Variants in TRIM66 observed in about 807,000 individuals in gnomAD.
TRIM66 encodes tripartite motif-containing protein 66.
In TRIM66, 99 loss-of-function variants were observed where a neutral mutation model predicts 148.2. The ratio of observed to expected loss-of-function variants is 0.67; its 90% CI spans 0.57 to 0.79. TRIM66 has a LOEUF of 0.79. Ranked by LOEUF, TRIM66 falls within the 30% of genes least tolerant of loss-of-function variation. The pLI is 0.00. For synonymous variants in TRIM66, 616 were observed against 635.9 expected (o/e 0.97, Z 0.47); for missense variants, 1,666 against 1,697.9 (o/e 0.98, Z 0.33).
chr11:8,622,917 T>C, intron 17 of TRIM66, 41 bp from the exon 18 acceptor site: 2 of 1,531,006 alleles, frequency 1.3e-6, no homozygotes, highest in Non-Finnish European at 1.8e-6. Flanking sequence ...CACACATTTG[T>C]GGCAACAAAC....
In TRIM66 at chr11:8,617,090, C is replaced by CT. The variant is rs2033769285; in HGVS notation, c.*853_*854insA. The CT allele has an allele frequency of 6.6e-6, 1 of 152,248 alleles. No homozygotes were observed. The highest frequency in any genetic ancestry group is 2.4e-5 in the African/African-American group (1 of 41,432). The allele number at this position is 152,248 out of a possible 1,614,324, so 9.4% of individuals were successfully genotyped here. On this transcript the variant is annotated 3_prime_UTR_variant, in exon 25 of 25. Coordinates refer to ENST00000646038, the MANE Select transcript of TRIM66 (RefSeq NM_001388022.1). ...GAATGAGGATGATGAAGGGTATGGC[C>CT]ACTGACAAGCACCAACAGTCACTTC...
Position 8,628,146 on chromosome 11 carries a change from AT to A in TRIM66, c.2311-2919del, listed in dbSNP as rs966242484. 1.2e-3 allele frequency among the ~76,000 whole-genome samples: 188 copies of A among 151,164 alleles called. 1 individual carries two copies. The highest frequency in any genetic ancestry group is 4.2e-3 in the African/African-American group (171 of 41,184). Reference sequence around the variant, plus strand: ...CACGCCCATCCTGAATGGTAAATCTATTTTTTTTTCTTTACATTTGTTTTTC... The same window carrying A: ...CACGCCCATCCTGAATGGTAAATCTATTTTTTTTCTTTACATTTGTTTTTC... On this transcript the variant is annotated intron_variant, in intron 15 of 24. Transcript: ENST00000646038.
At chr11:8,682,666 G>C (rs766208091), upstream of TRIM66, 37 of 872,790 alleles carry the variant, frequency 4.2e-5, no homozygotes, top group Non-Finnish European at 6.7e-5. Context: ...AAGAGGAAGC[G>C]ACTAGCAGGC....
At chr11:8,626,221 T>C (rs1305335814) in intron 15 of TRIM66, among the ~76,000 whole-genome samples, 1 of 152,140 alleles carries the variant, frequency 6.6e-6, no homozygotes, top group Non-Finnish European at 1.5e-5. Flanking sequence ...TTCATATCCC[T>C]GCCCTTTAAA....
Position 8,679,994 on chromosome 11 carries a change from G to A in TRIM66, c.-478C>T, listed in dbSNP as rs1846681490. The A allele has an allele frequency of 6.6e-6, 1 of 152,308 alleles. No individual in the cohort carries two copies. Among genetic ancestry groups the A allele is most frequent in the Non-Finnish European group, 1.5e-5 (1 of 68,118 alleles). 9.4% of individuals were successfully genotyped at this position (152,308 alleles called of 1,614,324 possible). On this transcript the variant is annotated 5_prime_UTR_variant, in exon 2 of 25. Transcript: ENST00000646038. ...TGAGGCTGGTAGTGCTGTACCTTCA[G>A]GCAGATGTATTTTGTAAATTGCCAA...
chr11:8,679,403 T>G (rs1380928396), intron 3 of TRIM66: 1 of 152,572 alleles, frequency 6.6e-6, no homozygotes. Flanking sequence ...CAACGGGTAG[T>G]GCTGGGTCCA....
At position 8,640,466 on chromosome 11, in the gene TRIM66, G is replaced by T. The variant is rs1273141230; in HGVS notation, c.1909C>A (p.Gln637Lys). ...GCAGGGCCAGGAGGGCTCTCGTGCT[G>T]ACTAGAAGCCAGATGCTGGGATGGA... is the stretch of plus-strand genomic sequence containing the variant. The part of the protein sequence containing the change: ...LPPSQHLASS[Q>K]HESPPGPACS... Residue 637 changes from glutamine to lysine, a missense_variant, in exon 14 of 25, where the codon CAG (glutamine) becomes AAG (lysine). Gln to Lys is a moderately conservative substitution (Grantham distance 53). Around this residue, in one of 3 missense-constraint regions of TRIM66, gnomAD observed 1,431 missense variants for 1,412.4 expected, o/e 1.01. Transcript: ENST00000646038. The T allele has an allele frequency of 3.2e-6, 5 of 1,539,938 alleles. No individual in the cohort carries two copies. The East Asian group carries it at 1.0e-4, about 31-fold the overall frequency.
intron 24 of TRIM66, 69 bp downstream of exon 24, chr11:8,618,681 T>C: frequency 7.1e-7 from 1 of 1,408,294 alleles, no homozygotes; most frequent in Non-Finnish European, 9.7e-7. Flanking sequence ...TCACCTTAGG[T>C]TCTGCTTGGG....
rs988856173 is a variant in TRIM66 at position 8,670,023 on chromosome 11, T to A, written c.340+1763A>T. Among the ~76,000 whole-genome samples, 31 of 150,624 alleles carry A rather than the reference T, an allele frequency of 2.1e-4. 1 individual carries two copies. The highest frequency in any genetic ancestry group is 5.3e-4 in the Admixed American group (8 of 15,102). On this transcript the variant is annotated intron_variant, in intron 6 of 24. Coordinates refer to ENST00000646038, the MANE Select transcript of TRIM66 (RefSeq NM_001388022.1). ...TCTTGTTTTGTTTTTATTTATTTTT[T>A]TTTTTTTGAGACAGAGTCTCACTCT...
intron 15 of TRIM66, among the ~76,000 whole-genome samples, chr11:8,631,620 T>C (rs1215918665): frequency 1.3e-5 from 2 of 152,196 alleles, no homozygotes; most frequent in Non-Finnish European, 2.9e-5. Flanking sequence ...AATGACCTCA[T>C]ACCGTGGCAC....
At chr11:8,659,894 T>C (rs192899191) in intron 6 of TRIM66, among the ~76,000 whole-genome samples, 244 of 152,316 alleles carry the variant, frequency 1.6e-3, no homozygotes, top group Non-Finnish European at 1.5e-3. Context: ...TTTGTTTGTT[T>C]TGAGACAGTG....
Position 8,621,784 on chromosome 11 carries a change from C to T in TRIM66, c.3116G>A (p.Arg1039Gln), listed in dbSNP as rs560560798. 8.9e-5 allele frequency: 138 copies of T among 1,550,458 alleles called. No homozygotes were observed. The highest frequency in any genetic ancestry group is 2.2e-4 in the African/African-American group (16 of 73,078). Reference sequence around the variant, plus strand: ...AGCACAGATCTTGAGTCGCTCCAGTCGCACATAGGGAATCTTATGCTCACT... The same window carrying T: ...AGCACAGATCTTGAGTCGCTCCAGTTGCACATAGGGAATCTTATGCTCACT... ...FNSEHKIPYV[R>Q]LERLKICAAS... Residue 1039 changes from arginine to glutamine, a missense_variant, in exon 19 of 25, where the codon CGA (arginine) becomes CAA (glutamine). By Grantham distance (43) the Arg-to-Gln change is conservative. Transcript: ENST00000646038.
At chr11:8,675,337 GAA>G (rs543338813) in intron 3 of TRIM66, among the ~76,000 whole-genome samples, 58 of 152,292 alleles carry the variant, frequency 3.8e-4, no homozygotes, top group African/African-American at 1.4e-3. Flanking sequence ...TCACTTTTGA[GAA>G]AATATCGGAC....
intron 6 of TRIM66, among the ~76,000 whole-genome samples, chr11:8,669,813 C>T (rs1210083448): frequency 6.6e-6 from 1 of 152,076 alleles, no homozygotes; most frequent in African/African-American, 2.4e-5. Flanking sequence ...CTCCTCTGCC[C>T]TTAGGCACTG....
rs1236189084 is a variant in TRIM66 at position 8,621,699 on chromosome 11, C to T, written c.3201G>A (p.Gly1067=). The change falls in exon 19 of 25, where the codon GGG becomes GGA. Residue 1067 remains glycine (G), a synonymous_variant. Coordinates refer to ENST00000646038, the MANE Select transcript of TRIM66 (RefSeq NM_001388022.1). ...KLKPQKNDQD[G]SFLLIIECGT... Reference sequence around the variant, plus strand: ...CACACTCGATGATCAGCAGGAAGCTCCCATCCTGATCATTCTTCTGTGGCT... The same window carrying T: ...CACACTCGATGATCAGCAGGAAGCTTCCATCCTGATCATTCTTCTGTGGCT... 1 of 1,551,658 alleles carries T rather than the reference C, an allele frequency of 6.4e-7. No individual in the cohort carries two copies. The highest frequency in any genetic ancestry group is 8.7e-7 in the Non-Finnish European group (1 of 1,146,922).
chr11:8,640,461 G>C lies in TRIM66; in HGVS notation c.1914C>G (p.His638Gln), dbSNP rs771248554. 2 of 1,549,860 alleles carry C rather than the reference G, an allele frequency of 1.3e-6. No individual in the cohort carries two copies. The highest frequency in any genetic ancestry group is 1.7e-6 in the Non-Finnish European group (2 of 1,146,566). ...AACAGGCAGGGCCAGGAGGGCTCTCGTGCTGACTAGAAGCCAGATGCTGGG... is the reference window on the plus strand; with the variant it reads ...AACAGGCAGGGCCAGGAGGGCTCTCCTGCTGACTAGAAGCCAGATGCTGGG... ...PPSQHLASSQ[H>Q]ESPPGPACSQ... Residue 638 changes from histidine (H) to glutamine (Q), a missense_variant, in exon 14 of 25, where the codon CAC (histidine) becomes CAG (glutamine). Coordinates refer to ENST00000646038, the MANE Select transcript of TRIM66 (RefSeq NM_001388022.1).
intron 6 of TRIM66, among the ~76,000 whole-genome samples, chr11:8,660,307 C>A (rs936932952): frequency 1.3e-5 from 2 of 152,200 alleles, no homozygotes; most frequent in Non-Finnish European, 2.9e-5. Context: ...GCCTTCCCCT[C>A]CCCTGCGTGT....
intron 9 of TRIM66, 36 bp downstream of exon 9, chr11:8,648,380 C>G (rs1446530826): frequency 1.9e-6 from 3 of 1,547,364 alleles, no homozygotes; most frequent in Non-Finnish European, 2.6e-6. Flanking sequence ...ATCCAGAGCC[C>G]TCCCCAGCCC....
chr11:8,678,917 C>T (rs1031352081), intron 3 of TRIM66, among the ~76,000 whole-genome samples: 5 of 152,302 alleles, frequency 3.3e-5, no homozygotes, highest in Non-Finnish European at 7.4e-5. Context: ...AAAATCAGCA[C>T]ACTTGCCTGC....
Sources: gnomAD v4.1 joint callset for allele counts (sites outside exome capture counted in the v4.1 genomes callset) on GRCh38, gnomAD v4.1.1 for gene constraint, gnomAD v4.1.1 regional missense constraint, MANE v1.5 for transcripts, NCBI Gene and HGNC (gene_info 2026-07-23, HGNC 2026-07-21) for gene names.